The following LIPA variants were observed in gnomAD, a reference collection of about 807,000 sequenced individuals.
The protein encoded by LIPA is lipase A, lysosomal acid type, also known as lysosomal acid lipase/cholesteryl ester hydrolase.
A neutral mutation model predicts 40.6 loss-of-function variants in LIPA; 26 were observed. The observed-to-expected ratio is 0.64, with a 90% confidence interval of 0.47 to 0.89. The LOEUF is 0.89. LIPA is among the 40% of genes least tolerant of loss of function. LIPA has a pLI of 0.00. For synonymous variants in LIPA, 188 were observed against 168.4 expected (o/e 1.12, Z -0.90); for missense variants, 455 against 479.6 (o/e 0.95, Z 0.48).
Position 89,328,152 on chromosome 10 carries a change from G to A in LIPA, c.-2+14459C>T, listed in dbSNP as rs561865515. ...GTAAGTTGAGTTTCTTACTGTGCAG[G>A]CACATTCCTGAATTGTCCTGATGTT... On this transcript the variant is annotated intron_variant, in intron 1 of 5. Coordinates refer to the LIPA transcript ENST00000282673. 120 of 1,369,284 alleles carry A rather than the reference G, an allele frequency of 8.8e-5. 2 individuals are homozygous for A. In the South Asian group the frequency reaches 1.2e-3, roughly 14 times the overall value. The allele number at this position is 1,369,284 out of a possible 1,614,324, so 84.8% of individuals were successfully genotyped here. A position where few individuals can be genotyped will look rare whatever the true frequency, so the allele number is the denominator to read the frequency against.
chr10:89,377,164 G>T (rs1844127576), intron 2 of LIPA, among the ~76,000 whole-genome samples: 1 of 152,142 alleles, frequency 6.6e-6, no homozygotes, highest in Admixed American at 6.6e-5. Context: ...CATCAGCCTT[G>T]GGATCATATA....
intron 2 of LIPA, chr10:89,392,466 T>TG: frequency 3.5e-6 from 1 of 285,988 alleles, no homozygotes; most frequent in South Asian, 5.5e-5. Context: ...AAAGTTTCAT[T>TG]CCCCACCCCC....
chr10:89,228,359 G>A lies in LIPA; in HGVS notation c.269C>T (p.Ala90Val). 1 of 1,614,188 alleles carries A rather than the reference G, an allele frequency of 6.2e-7. No homozygotes were observed. The highest frequency in any genetic ancestry group is 8.5e-7 in the Non-Finnish European group (1 of 1,180,028). ...PVVFLQHGLLADSSNWVTNLA... is the reference protein window; with the variant it reads ...PVVFLQHGLLVDSSNWVTNLA... ...GTTTGTGACCCAGTTACTAGAATCT[G>A]CCAGCAAGCCATGTTGCAGGAAGAC... The change falls in exon 4 of 10, where the codon GCA becomes GTA. Residue 90 changes from alanine (A) to valine (V), a missense_variant. Coordinates refer to ENST00000336233, the MANE Select transcript of LIPA (RefSeq NM_000235.4).
At chr10:89,220,637 C>T (rs1037529833) in intron 8 of LIPA, among the ~76,000 whole-genome samples, 1 of 152,068 alleles carries the variant, frequency 6.6e-6, no homozygotes, top group African/African-American at 2.4e-5. Context: ...CAAACTCTGC[C>T]CCTGAGGAAC....
At chr10:89,267,755 A>G (rs1489141982) in intron 1 of LIPA, among the ~76,000 whole-genome samples, 1 of 151,776 alleles carries the variant, frequency 6.6e-6, no homozygotes, top group Admixed American at 6.6e-5. Context: ...AACTTAAAAA[A>G]AAAAAAAAGA....
chr10:89,309,349 A>C (rs907145409), intron 1 of LIPA: 11 of 152,220 alleles, frequency 7.2e-5, no homozygotes, highest in African/African-American at 2.7e-4. Context: ...GGAAGAGACA[A>C]GAAGGCCCAA....
At chr10:89,390,235 C>T (rs1390080644) in intron 2 of LIPA, among the ~76,000 whole-genome samples, 2 of 152,132 alleles carry the variant, frequency 1.3e-5, no homozygotes, top group East Asian at 3.8e-4. Context: ...ATCCGCCCGT[C>T]TTGTCCTCCC....
At chr10:89,390,233 G>A (rs1246365456) in intron 2 of LIPA, among the ~76,000 whole-genome samples, 11 of 152,150 alleles carry the variant, frequency 7.2e-5, no homozygotes, top group African/African-American at 2.2e-4. Context: ...TGATCCGCCC[G>A]TCTTGTCCTC....
At chr10:89,363,803 G>A (rs929958795) in intron 2 of LIPA, among the ~76,000 whole-genome samples, 1 of 151,440 alleles carries the variant, frequency 6.6e-6, no homozygotes, top group Admixed American at 6.6e-5. Context: ...GCGAGGGGGG[G>A]CGGGTGTGGC....
intron 1 of LIPA, among the ~76,000 whole-genome samples, chr10:89,281,220 C>G (rs1467872528): frequency 1.3e-5 from 2 of 152,116 alleles, no homozygotes; most frequent in Non-Finnish European, 2.9e-5. Flanking sequence ...CCTTCAGAGA[C>G]CAGTTTTAGC....
intron 2 of LIPA, among the ~76,000 whole-genome samples, chr10:89,376,429 T>C (rs1213513108): frequency 6.6e-6 from 1 of 152,222 alleles, no homozygotes; most frequent in Admixed American, 6.5e-5. Flanking sequence ...CATAAGATCT[T>C]ATGTGACGTT....
In LIPA at chr10:89,216,365, C is replaced by T. The variant is rs61242279; in HGVS notation, c.895-356G>A. Reference sequence around the variant, plus strand: ...CTTTTTCAAAGAGTTAGTCATTTTACTTGGGAAATAAAGGTAGACAGATAG... The same window carrying T: ...CTTTTTCAAAGAGTTAGTCATTTTATTTGGGAAATAAAGGTAGACAGATAG... On this transcript the variant is annotated intron_variant, in intron 8 of 9. Coordinates refer to ENST00000336233, the MANE Select transcript of LIPA (RefSeq NM_000235.4). Among the ~76,000 whole-genome samples, 1,298 of 150,004 alleles carry T rather than the reference C, an allele frequency of 8.7e-3. 37 individuals are homozygous for T. The highest frequency in any genetic ancestry group is 0.063 in the East Asian group (323 of 5,144).
intron 1 of LIPA, among the ~76,000 whole-genome samples, chr10:89,275,079 G>A (rs1215401260): frequency 6.6e-6 from 1 of 152,194 alleles, no homozygotes; most frequent in Non-Finnish European, 1.5e-5. Flanking sequence ...AACTCAGCTA[G>A]GCTGAACTGT....
At chr10:89,350,492 AG>A (rs1306487946) in intron 2 of LIPA, among the ~76,000 whole-genome samples, 2 of 151,958 alleles carry the variant, frequency 1.3e-5, no homozygotes, top group Non-Finnish European at 2.9e-5. Flanking sequence ...TTTTTAGTAG[AG>A]AAGGGGTTTC....
At chr10:89,360,584 G>A (rs887715351) in intron 2 of LIPA, among the ~76,000 whole-genome samples, 1 of 152,150 alleles carries the variant, frequency 6.6e-6, no homozygotes, top group African/African-American at 2.4e-5. Context: ...ACTAGAGATG[G>A]GTTTTCTCCA....
chr10:89,392,482 T>G (rs1382816479), intron 2 of LIPA: 18 of 90,598 alleles, frequency 2.0e-4, no homozygotes, highest in South Asian at 1.6e-3. Context: ...CCCCCCCCCG[T>G]CAGCAGGAAT....
intron 2 of LIPA, among the ~76,000 whole-genome samples, chr10:89,373,047 C>T (rs746178937): frequency 6.6e-6 from 1 of 152,078 alleles, no homozygotes; most frequent in South Asian, 2.1e-4. Context: ...AATTGGAACA[C>T]GTGGGGCCGG....
At chr10:89,324,863 T>G (rs972060818) in intron 1 of LIPA, among the ~76,000 whole-genome samples, 1 of 152,252 alleles carries the variant, frequency 6.6e-6, no homozygotes, top group Non-Finnish European at 1.5e-5. Context: ...CAACTCATCC[T>G]TTTTTATGGA....
chr10:89,374,834 T>G (rs1844111182), intron 2 of LIPA, among the ~76,000 whole-genome samples: 1 of 152,212 alleles, frequency 6.6e-6, no homozygotes, highest in African/African-American at 2.4e-5. Flanking sequence ...AGAGGTTGAA[T>G]GCCTGCTGCC....
Sources: allele counts gnomAD v4.1 joint callset (sites outside exome capture counted in the v4.1 genomes callset), GRCh38; gene constraint gnomAD v4.1.1; transcripts MANE v1.5; gene names NCBI Gene and HGNC (gene_info 2026-07-23, HGNC 2026-07-21).